Variants in KCNIP4 observed in about 807,000 individuals in gnomAD.
KCNIP4 encodes the protein Kv channel-interacting protein 4.
In KCNIP4, 12 loss-of-function variants were observed where a neutral mutation model predicts 34.0. That is an observed-to-expected ratio of 0.35 (90% confidence interval 0.23 to 0.57). KCNIP4 has a LOEUF of 0.57. KCNIP4 is among the 20% of genes least tolerant of loss of function. KCNIP4 has a pLI of 0.83. For synonymous variants in KCNIP4, 124 were observed against 102.2 expected (o/e 1.21, Z -1.29); for missense variants, 238 against 311.7 (o/e 0.76, Z 1.78).
intron 1 of KCNIP4, among the ~76,000 whole-genome samples, chr4:21,231,364 C>T (rs1443485338): frequency 2.6e-5 from 4 of 152,104 alleles, no homozygotes; most frequent in Admixed American, 1.3e-4. Context: ...GTATGTTCCT[C>T]GCACAAAGTT....
At chr4:21,020,170 G>T (rs1739912965) in intron 1 of KCNIP4, among the ~76,000 whole-genome samples, 1 of 152,090 alleles carries the variant, frequency 6.6e-6, no homozygotes, top group Non-Finnish European at 1.5e-5. Context: ...AATCTTTGAA[G>T]CACAGACCAC....
chr4:21,285,066 C>A (rs1271085233), intron 1 of KCNIP4, among the ~76,000 whole-genome samples: 1 of 152,092 alleles, frequency 6.6e-6, no homozygotes, highest in Non-Finnish European at 1.5e-5. Context: ...TGTACAATAT[C>A]CCCATTATGG....
intron 1 of KCNIP4, among the ~76,000 whole-genome samples, chr4:21,365,691 CG>C (rs1719702823): frequency 6.6e-6 from 1 of 151,768 alleles, no homozygotes; most frequent in Non-Finnish European, 1.5e-5. Context: ...ATTCTGTTCC[CG>C]TTGTTGTTAT....
chr4:21,795,891 G>T (rs1720594153), intron 1 of KCNIP4, among the ~76,000 whole-genome samples: 2 of 152,124 alleles, frequency 1.3e-5, no homozygotes. Context: ...AACACATGGT[G>T]AGACCCTGTC....
intron 1 of KCNIP4, among the ~76,000 whole-genome samples, chr4:21,036,329 T>C (rs778158636): frequency 7.2e-5 from 11 of 152,190 alleles, no homozygotes; most frequent in Non-Finnish European, 1.5e-4. Flanking sequence ...GTCTTATCCC[T>C]TAATTTATTA....
At chr4:21,568,541 C>A (rs1577610890) in intron 1 of KCNIP4, among the ~76,000 whole-genome samples, 2 of 152,260 alleles carry the variant, frequency 1.3e-5, no homozygotes, top group Middle Eastern at 3.4e-3. Context: ...ATCTAATCAG[C>A]TGCCAGCATA....
In KCNIP4 at chr4:20,904,331, GTA is replaced by G. The variant is rs775475074; in HGVS notation, c.62-21624_62-21623del. 2.7e-4 allele frequency among the ~76,000 whole-genome samples: 39 copies of G among 143,642 alleles called. 1 individual carries two copies. The highest frequency in any genetic ancestry group is 4.9e-4 in the African/African-American group (19 of 39,094). 94.2% of individuals were successfully genotyped at this position (143,642 alleles called of 152,430 possible). A position where few individuals can be genotyped will look rare whatever the true frequency, so the allele number is the denominator to read the frequency against. ...ACTATATATATGTATGTGTGTGTGT[GTA>G]TATATATATATATATACAGATATAT... is the stretch of plus-strand genomic sequence containing the variant. On this transcript the variant is annotated intron_variant, in intron 1 of 8. Transcript: ENST00000382152.
intron 1 of KCNIP4, among the ~76,000 whole-genome samples, chr4:21,132,790 C>T (rs1751171801): frequency 6.7e-6 from 1 of 150,234 alleles, no homozygotes; most frequent in Non-Finnish European, 1.5e-5. Context: ...AGGCAGATTA[C>T]CTGAGCTCAG....
intron 1 of KCNIP4, among the ~76,000 whole-genome samples, chr4:21,275,544 G>A (rs1212276816): frequency 6.6e-6 from 1 of 152,124 alleles, no homozygotes; most frequent in Non-Finnish European, 1.5e-5. Flanking sequence ...CACAGGCCAG[G>A]TCTAAATAAA....
chr4:21,609,405 TTCATTCATAGTGATCAATTCC>T (rs1743978301), intron 1 of KCNIP4, among the ~76,000 whole-genome samples: 1 of 152,182 alleles, frequency 6.6e-6, no homozygotes, highest in Non-Finnish European at 1.5e-5. Context: ...GTTAAATGAA[TTCATTCATAGTGATCAATTCC>T]TCACTTCGCA....
chr4:20,762,870 G>A (rs1755064430), intron 3 of KCNIP4, among the ~76,000 whole-genome samples: 1 of 152,136 alleles, frequency 6.6e-6, no homozygotes, highest in Non-Finnish European at 1.5e-5. Context: ...TGACTCACAG[G>A]TCAGCATCCC....
intron 1 of KCNIP4, among the ~76,000 whole-genome samples, chr4:21,004,163 A>G (rs1181297776): frequency 6.6e-6 from 1 of 152,212 alleles, no homozygotes; most frequent in Non-Finnish European, 1.5e-5. Context: ...CCAAGACTAA[A>G]AAAGTGAGAT....
chr4:20,748,993 G>A (rs931014912), intron 5 of KCNIP4, among the ~76,000 whole-genome samples: 3 of 150,906 alleles, frequency 2.0e-5, no homozygotes, highest in Non-Finnish European at 4.4e-5. Context: ...AGTTCATGAA[G>A]GAAATTAAAT....
chr4:21,415,489 C>T (rs537340902), intron 1 of KCNIP4, among the ~76,000 whole-genome samples: 3 of 150,894 alleles, frequency 2.0e-5, no homozygotes, highest in Non-Finnish European at 4.4e-5. Flanking sequence ...GTCAGGAGTT[C>T]GAGACCAGCC....
At chr4:21,565,196 C>G (rs1007495366) in intron 1 of KCNIP4, among the ~76,000 whole-genome samples, 52 of 152,268 alleles carry the variant, frequency 3.4e-4, no homozygotes, top group Admixed American at 1.8e-3. Context: ...GCTGAGTAGT[C>G]TAAGACCAAG....
chr4:21,073,360 C>T (rs1019392423), intron 1 of KCNIP4, among the ~76,000 whole-genome samples: 5 of 152,164 alleles, frequency 3.3e-5, no homozygotes, highest in South Asian at 2.1e-4. Context: ...AGGTCCTTCA[C>T]GTCCCTTGTA....
chr4:20,759,576 A>G (rs911564600), intron 3 of KCNIP4, among the ~76,000 whole-genome samples: 6 of 152,156 alleles, frequency 3.9e-5, no homozygotes, highest in African/African-American at 1.4e-4. Flanking sequence ...CCCATGTTGG[A>G]CAACTGACCT....
chr4:21,158,434 T>C (rs1206836315), intron 1 of KCNIP4, among the ~76,000 whole-genome samples: 1 of 152,158 alleles, frequency 6.6e-6, no homozygotes, highest in African/African-American at 2.4e-5. Flanking sequence ...TCTAACAGTG[T>C]ATAAAATGAT....
At chr4:20,782,115 T>C (rs1756930729) in intron 3 of KCNIP4, among the ~76,000 whole-genome samples, 1 of 152,178 alleles carries the variant, frequency 6.6e-6, no homozygotes, top group Non-Finnish European at 1.5e-5. Flanking sequence ...AGGTGTCACA[T>C]CCAGGTCATG....
Sources: gnomAD v4.1 joint callset for allele counts (sites outside exome capture counted in the v4.1 genomes callset) on GRCh38, gnomAD v4.1.1 for gene constraint, MANE v1.5 for transcripts, NCBI Gene and HGNC (gene_info 2026-07-23, HGNC 2026-07-21) for gene names.